BAZ2B: variants seen among roughly 807,000 people sequenced by gnomAD.
The protein encoded by BAZ2B is bromodomain adjacent to zinc finger domain 2B.
In BAZ2B, 91 loss-of-function variants were observed where a neutral mutation model predicts 246.0. That is an observed-to-expected ratio of 0.37 (90% CI 0.31 to 0.44). The LOEUF (loss-of-function observed/expected upper bound fraction) is 0.44, where lower values mean the gene tolerates loss of function less well. Ranked by LOEUF, BAZ2B falls within the 20% of genes least tolerant of loss-of-function variation. The probability of loss-of-function intolerance (pLI) is 1.00; values close to 1 mark genes in which losing one functional copy is unlikely to be tolerated. For synonymous variants in BAZ2B, 855 were observed against 860.0 expected, an observed-to-expected ratio of 0.99 and a Z score of 0.10; for missense variants, 2,332 against 2,533.7, an observed-to-expected ratio of 0.92 and a Z score of 1.71.
At chr2:159,614,033 C>G (rs996065467) in intron 1 of BAZ2B, among the ~76,000 whole-genome samples, 3 of 151,936 alleles carry the variant, frequency 2.0e-5, no homozygotes, top group African/African-American at 7.3e-5. Context: ...TTCCCTCAAC[C>G]CAGAAGACAA....
intron 13 of BAZ2B, among the ~76,000 whole-genome samples, chr2:159,412,984 A>G (rs2067064419): frequency 6.6e-6 from 1 of 152,238 alleles, no homozygotes; most frequent in Admixed American, 6.5e-5. Context: ...CAGCTAACAA[A>G]TTAAGACAGA....
chr2:159,458,100 C>T (rs149186569), intron 3 of BAZ2B, among the ~76,000 whole-genome samples: 5,627 of 152,106 alleles, frequency 0.037, 293 homozygotes, highest in African/African-American at 0.11. Flanking sequence ...CTCTGCCTCC[C>T]GGGTTCGAAT....
At chr2:159,631,079 C>T in the BAZ2B span, among the ~76,000 whole-genome samples, 1 of 151,988 alleles carries the variant, frequency 6.6e-6, no homozygotes, top group Non-Finnish European at 1.5e-5. Context: ...ACCTGTAGTC[C>T]CAGGTACTCA....
chr2:159,551,593 C>T (rs996562317), intron 2 of BAZ2B, among the ~76,000 whole-genome samples: 4 of 151,310 alleles, frequency 2.6e-5, no homozygotes, highest in Non-Finnish European at 5.9e-5. Flanking sequence ...ATAAACAAGA[C>T]TGCATGTAAA....
At chr2:159,493,485 T>C (rs1042378146) in intron 2 of BAZ2B, among the ~76,000 whole-genome samples, 1 of 152,188 alleles carries the variant, frequency 6.6e-6, no homozygotes, top group Non-Finnish European at 1.5e-5. Context: ...ACTACCTTAT[T>C]AAAGTTTTCT....
chr2:159,435,044 T>C (rs766944091), intron 8 of BAZ2B: 6 of 151,972 alleles, frequency 3.9e-5, no homozygotes, highest in Admixed American at 2.0e-4. Flanking sequence ...TAAGGTAAAA[T>C]TCTGCATTGA....
At chr2:159,618,009 ATAAAT>A (rs1299969082), upstream of BAZ2B, among the ~76,000 whole-genome samples, 7 of 152,386 alleles carry the variant, frequency 4.6e-5, no homozygotes, top group East Asian at 9.6e-4. Flanking sequence ...CTGATGCTAA[ATAAAT>A]TAATGTGCTG....
intron 6 of BAZ2B, 33 bp downstream of exon 6, chr2:159,446,749 T>C: frequency 6.6e-7 from 1 of 1,518,314 alleles, no homozygotes; most frequent in South Asian, 1.3e-5. Flanking sequence ...TATATAGATC[T>C]GTTATATATT....
rs771168509 is a variant in BAZ2B at position 159,448,273 on chromosome 2, C to G, written c.471G>C (p.Ser157=). The stretch of plus-strand genomic sequence containing the variant: ...CGGGACCATTTCGATTACTTTTTCC[C>G]GAAGTCCTTGAATGGAATGAAGAAG... The part of the protein sequence containing the change: ...HDSSSFHSRT[S]GKSNRNGPEK... The change falls in exon 5 of 37, where the codon TCG becomes TCC. Residue 157 remains serine, a synonymous_variant. Transcript: ENST00000392783. 2 of 1,612,064 alleles carry G rather than the reference C, an allele frequency of 1.2e-6. No individual in the cohort carries two copies. The highest frequency in any genetic ancestry group is 4.5e-5 in the East Asian group (2 of 44,850).
At chr2:159,504,029 A>G (rs1404332302) in intron 2 of BAZ2B, among the ~76,000 whole-genome samples, 1 of 152,206 alleles carries the variant, frequency 6.6e-6, no homozygotes, top group Non-Finnish European at 1.5e-5. Flanking sequence ...ATAAATGTTG[A>G]TTAGTATATT....
intron 13 of BAZ2B, among the ~76,000 whole-genome samples, chr2:159,414,944 T>A (rs2149959970): frequency 6.6e-6 from 1 of 152,224 alleles, no homozygotes; most frequent in East Asian, 1.9e-4. Context: ...TGAGTCCTTA[T>A]CTTTTAGAGA....
intron 3 of BAZ2B, among the ~76,000 whole-genome samples, chr2:159,469,429 T>A (rs2077497759): frequency 6.6e-6 from 1 of 152,036 alleles, no homozygotes; most frequent in Admixed American, 6.6e-5. Context: ...CATTTTTTAC[T>A]TATTTTATTT....
intron 20 of BAZ2B, among the ~76,000 whole-genome samples, chr2:159,393,237 G>A (rs980708977): frequency 2.0e-5 from 3 of 152,124 alleles, no homozygotes; most frequent in Non-Finnish European, 1.5e-5. Context: ...TGCAATGAGA[G>A]GCCCCTGGAT....
chr2:159,436,212 CA>C, intron 8 of BAZ2B, among the ~76,000 whole-genome samples: 1 of 152,190 alleles, frequency 6.6e-6, no homozygotes, highest in Non-Finnish European at 1.5e-5. Flanking sequence ...GCCATGAAAA[CA>C]AAAGTCCCTT....
At chr2:159,581,766 T>C (rs1401322763) in intron 1 of BAZ2B, among the ~76,000 whole-genome samples, 2 of 151,870 alleles carry the variant, frequency 1.3e-5, no homozygotes, top group Non-Finnish European at 2.9e-5. Context: ...GTTCATGTCA[T>C]TTGTAGGGAT....
intron 3 of BAZ2B, chr2:159,459,172 A>T (rs920910916): frequency 6.6e-6 from 1 of 152,196 alleles, no homozygotes; most frequent in African/African-American, 2.4e-5. Context: ...GATTATTGGC[A>T]ATTTGTCCTT....
At chr2:159,596,361 C>T (rs770611005) in intron 1 of BAZ2B, among the ~76,000 whole-genome samples, 4 of 152,060 alleles carry the variant, frequency 2.6e-5, no homozygotes, top group Non-Finnish European at 4.4e-5. Flanking sequence ...TAAAAATATG[C>T]GTGACACCAC....
intron 1 of BAZ2B, among the ~76,000 whole-genome samples, chr2:159,614,423 C>T (rs1223855474): frequency 2.0e-5 from 3 of 151,966 alleles, no homozygotes; most frequent in Non-Finnish European, 4.4e-5. Flanking sequence ...AGGTATTTTC[C>T]ATAGTCATTT....
At chr2:159,563,061 C>A (rs142285897) in intron 1 of BAZ2B, among the ~76,000 whole-genome samples, 2 of 151,970 alleles carry the variant, frequency 1.3e-5, no homozygotes, top group South Asian at 2.1e-4. Flanking sequence ...AATAATACAG[C>A]GGTCAAAGAA....
Sources: gnomAD v4.1 joint callset for allele counts (sites outside exome capture counted in the v4.1 genomes callset) on GRCh38, gnomAD v4.1.1 for gene constraint, MANE v1.5 for transcripts, NCBI Gene and HGNC (gene_info 2026-07-23, HGNC 2026-07-21) for gene names.